The following TBC1D30 variants were observed in gnomAD, a reference collection of about 807,000 sequenced individuals.
The protein encoded by TBC1D30 is TBC1 domain family member 30, also known as TBC1 domain family, member 30.
TBC1D30 carries 31 observed loss-of-function variants against 63.2 expected under a neutral mutation model. That is an observed-to-expected ratio of 0.49 (90% CI 0.37 to 0.66). The LOEUF is 0.66. Among genes scored for constraint, TBC1D30 ranks in the 30% least tolerant of loss-of-function variants. TBC1D30 has a pLI of 0.00. For synonymous variants in TBC1D30, 307 were observed against 361.5 expected, an observed-to-expected ratio of 0.85 and a Z score of 1.71; for missense variants, 810 against 953.6, an observed-to-expected ratio of 0.85 and a Z score of 1.98.
chr12:64,835,309 A>T (rs185894198), intron 5 of TBC1D30, among the ~76,000 whole-genome samples: 450 of 152,104 alleles, frequency 3.0e-3, no homozygotes, highest in African/African-American at 0.01. Flanking sequence ...CAAAACTGTG[A>T]CCCTGAAAAG....
intron 2 of TBC1D30, among the ~76,000 whole-genome samples, chr12:64,799,213 T>C (rs1299135273): frequency 1.3e-5 from 2 of 152,092 alleles, no homozygotes; most frequent in Non-Finnish European, 2.9e-5. Context: ...TCTGGAGCCA[T>C]GTCCCCTGGG....
intron 8 of TBC1D30, among the ~76,000 whole-genome samples, chr12:64,859,113 A>G (rs187013186): frequency 6.6e-6 from 1 of 151,650 alleles, no homozygotes; most frequent in Non-Finnish European, 1.5e-5. Context: ...AGGGGTGCAC[A>G]TATATGCGAG....
In TBC1D30 at chr12:64,830,422, G is replaced by T; in HGVS notation, c.328G>T (p.Asp110Tyr). Residue 110 changes from aspartate (D) to tyrosine (Y), a missense_variant, in exon 4 of 12, where the codon GAC (aspartate) becomes TAC (tyrosine). Asp to Tyr is a radical substitution (Grantham distance 160). This residue lies in a region of TBC1D30 where 272 missense variants were observed against 335.9 expected (regional missense o/e 0.81). Transcript: ENST00000539867. ...TCATTATTTGCACAGTATAGCCATT[G>T]ACTGGGACAAAACCATGCGCTTCAC... is the stretch of plus-strand genomic sequence containing the variant. The part of the protein sequence containing the change: ...ADHYLHSIAI[D>Y]WDKTMRFTFN... 6.5e-7 allele frequency: 1 copy of T among 1,535,460 alleles called. No homozygotes were observed.
At chr12:64,760,521 T>G (rs1326921464) in intron 1 of TBC1D30, among the ~76,000 whole-genome samples, 1 of 152,052 alleles carries the variant, frequency 6.6e-6, no homozygotes, top group East Asian at 1.9e-4. Flanking sequence ...CACTGCACTC[T>G]GGCCTCAGGG....
intron 2 of TBC1D30, among the ~76,000 whole-genome samples, chr12:64,788,860 A>G (rs1018856918): frequency 1.3e-5 from 2 of 152,202 alleles, no homozygotes; most frequent in African/African-American, 4.8e-5. Flanking sequence ...ATCACAGGAT[A>G]CTGTATTTTG....
chr12:64,819,503 G>A (rs1379097135), intron 2 of TBC1D30, among the ~76,000 whole-genome samples: 3 of 130,716 alleles, frequency 2.3e-5, no homozygotes, highest in East Asian at 2.6e-4. Context: ...TGCAAGCTCC[G>A]CCTCCCAGGT....
At chr12:64,781,471 G>C (rs540385053) in intron 1 of TBC1D30, among the ~76,000 whole-genome samples, 1 of 152,184 alleles carries the variant, frequency 6.6e-6, no homozygotes, top group Non-Finnish European at 1.5e-5. Context: ...TAAGTTCTCC[G>C]GAGTAATTGA....
rs186026504 is a variant in TBC1D30 at position 64,831,992 on chromosome 12, A to G, written c.409-127A>G. The G allele has an allele frequency of 4.6e-6, 4 of 865,840 alleles. No homozygotes were observed. In the African/African-American group the frequency reaches 5.0e-5, roughly 11 times the overall value. The allele number at this position is 865,840 out of a possible 1,614,324, so 53.6% of individuals were successfully genotyped here. A position where few individuals can be genotyped will look rare whatever the true frequency, so the allele number is the denominator to read the frequency against. ...TGCATTTTGGCTCATATGTATAAAA[A>G]CATACACATTTTAAAAAAATTTTAT... On this transcript the variant is annotated intron_variant, in intron 4 of 11. Coordinates refer to ENST00000539867, the MANE Select transcript of TBC1D30 (RefSeq NM_015279.2).
rs191578861 is a variant in TBC1D30 at position 64,851,992 on chromosome 12, T to G, written c.1038+8507T>G. On this transcript the variant is annotated intron_variant, in intron 8 of 11. Coordinates refer to ENST00000539867, the MANE Select transcript of TBC1D30 (RefSeq NM_015279.2). ...AACCTTGGTGAATCTGACGATTATG[T>G]GTCTTGGGGTTGCTCTTCTCGAGGA... Among the ~76,000 whole-genome samples, 59 of 152,252 alleles carry G rather than the reference T, an allele frequency of 3.9e-4. 1 individual carries two copies. Among genetic ancestry groups the G allele is most frequent in the African/African-American group, 1.4e-3 (59 of 41,548 alleles).
chr12:64,873,875 A>G (rs1205176466), intron 11 of TBC1D30, among the ~76,000 whole-genome samples: 5 of 152,124 alleles, frequency 3.3e-5, no homozygotes, highest in African/African-American at 4.8e-5. Flanking sequence ...ACAACAGTAG[A>G]GAAGGGTGGA....
intron 10 of TBC1D30, among the ~76,000 whole-genome samples, chr12:64,867,459 C>CAA (rs72095710): frequency 4.9e-4 from 65 of 131,672 alleles, no homozygotes; most frequent in African/African-American, 1.7e-3. Context: ...GACTCCATCT[C>CAA]AAAAAAAAAA....
Position 64,827,905 on chromosome 12 carries a change from G to T in TBC1D30, c.216+9G>T. ...AAAATGGTTTTCAGCAGGTAACTTT[G>T]ATTTTGAAAACACTCTTCTTTTGGG... On this transcript the variant is annotated intron_variant, in intron 2 of 11. Transcript: ENST00000539867. 2.0e-6 allele frequency: 3 copies of T among 1,531,272 alleles called. No individual in the cohort carries two copies. The highest frequency in any genetic ancestry group is 2.4e-5 in the South Asian group (2 of 83,298). The allele number at this position is 1,531,272 out of a possible 1,614,324, so 94.9% of individuals were successfully genotyped here.
rs143730971 is a variant in TBC1D30 at position 64,826,089 on chromosome 12, C to T, written c.154+1056C>T. On this transcript the variant is annotated intron_variant, in intron 1 of 11. Coordinates refer to ENST00000539867, the MANE Select transcript of TBC1D30 (RefSeq NM_015279.2). ...TACCTCTTTTTTTTTTCTTTTAAATCTCCTTCCCACGTTAAAAGTAAGTGT... is the reference window on the plus strand; with the variant it reads ...TACCTCTTTTTTTTTTCTTTTAAATTTCCTTCCCACGTTAAAAGTAAGTGT... Among the ~76,000 whole-genome samples the T allele has an allele frequency of 2.7e-3, 407 of 151,436 alleles. 4 individuals carry two copies. Among genetic ancestry groups the T allele is most frequent in the African/African-American group, 9.0e-3 (373 of 41,260 alleles).
rs1458520515 is a variant in TBC1D30 at position 64,876,121 on chromosome 12, C to T, written c.*333C>T. On this transcript the variant is annotated 3_prime_UTR_variant, in exon 12 of 12. Coordinates refer to ENST00000539867, the MANE Select transcript of TBC1D30 (RefSeq NM_015279.2). Reference sequence around the variant, plus strand: ...TCGTCCATCCTTCTGTTCTGGGGGCCTTCAGAGTCCCTGTGACAGCACCCC... The same window carrying T: ...TCGTCCATCCTTCTGTTCTGGGGGCTTTCAGAGTCCCTGTGACAGCACCCC... 1 of 223,946 alleles carries T rather than the reference C, an allele frequency of 4.5e-6. No individual in the cohort carries two copies. The highest frequency in any genetic ancestry group is 2.3e-5 in the African/African-American group (1 of 43,380). 13.9% of individuals were successfully genotyped at this position (223,946 alleles called of 1,614,324 possible).
intron 2 of TBC1D30, among the ~76,000 whole-genome samples, chr12:64,811,510 A>T (rs978958340): frequency 2.0e-5 from 3 of 152,244 alleles, no homozygotes; most frequent in African/African-American, 7.2e-5. Context: ...TAAGGAAACT[A>T]CAGGGGCTCA....
In TBC1D30 at chr12:64,875,283, A is replaced by G. The variant is rs1489448983; in HGVS notation, c.1781A>G (p.Glu594Gly). The change falls in exon 12 of 12, where the codon GAG becomes GGG. Residue 594 changes from glutamate (E) to glycine (G), a missense_variant. Coordinates refer to ENST00000539867, the MANE Select transcript of TBC1D30 (RefSeq NM_015279.2). ...GCGDTVGLIDEQNEASKTNGL... is the reference protein window; with the variant it reads ...GCGDTVGLIDGQNEASKTNGL... ...GGGGACACCGTAGGGCTGATAGATG[A>G]GCAGAACGAGGCCAGCAAGACCAAT... 6.5e-7 allele frequency: 1 copy of G among 1,536,288 alleles called. No individual in the cohort carries two copies. Among genetic ancestry groups the G allele is most frequent in the South Asian group, 1.2e-5 (1 of 84,060 alleles).
At chr12:64,869,529 G>C (rs1332975177) in intron 10 of TBC1D30, among the ~76,000 whole-genome samples, 1 of 152,084 alleles carries the variant, frequency 6.6e-6, no homozygotes, top group Non-Finnish European at 1.5e-5. Flanking sequence ...TATTGCCTGA[G>C]TTCCAGCTTT....
intron 8 of TBC1D30, among the ~76,000 whole-genome samples, chr12:64,847,345 C>A (rs375760926): frequency 6.6e-6 from 1 of 151,346 alleles, no homozygotes; most frequent in Non-Finnish European, 1.5e-5. Flanking sequence ...CTTTTCATTT[C>A]TTTAATCTTT....
chr12:64,856,704 G>A (rs962477868), intron 8 of TBC1D30, among the ~76,000 whole-genome samples: 1 of 152,046 alleles, frequency 6.6e-6, no homozygotes, highest in African/African-American at 2.4e-5. Context: ...GGCCCCAGGT[G>A]TGTCTAGAGT....
Sources: allele counts gnomAD v4.1 joint callset (sites outside exome capture counted in the v4.1 genomes callset), GRCh38; gene constraint gnomAD v4.1.1; regional missense constraint gnomAD v4.1.1; transcripts MANE v1.5; gene names NCBI Gene and HGNC (gene_info 2026-07-23, HGNC 2026-07-21).